Variants in PPP2R2B observed in about 807,000 individuals in gnomAD.
PPP2R2B encodes protein phosphatase 2 regulatory subunit Bbeta.
Under a neutral mutation model 46.0 loss-of-function variants are expected in PPP2R2B, and 5 were observed. The ratio of observed to expected loss-of-function variants is 0.11; its 90% confidence interval spans 0.06 to 0.23. The LOEUF is 0.23. Ranked by LOEUF, PPP2R2B falls within the 10% of genes least tolerant of loss-of-function variation. PPP2R2B has a pLI of 1.00. For synonymous variants in PPP2R2B, 215 were observed against 206.7 expected (o/e 1.04, Z -0.34); for missense variants, 367 against 575.0 (o/e 0.64, Z 3.70).
At chr5:146,592,152 G>A (rs1394104096) in intron 9 of PPP2R2B, 1 of 447,362 alleles carries the variant, frequency 2.2e-6, no homozygotes, top group Admixed American at 2.5e-5. Flanking sequence ...CAACTGGTCA[G>A]TGTGACTTGG....
intron 1 of PPP2R2B, among the ~76,000 whole-genome samples, chr5:146,985,292 T>C (rs1753375584): frequency 6.6e-6 from 1 of 152,178 alleles, no homozygotes; most frequent in Non-Finnish European, 1.5e-5. Context: ...GTGCTGAGAT[T>C]ACAGGCGTGA....
chr5:146,878,763 A>G, upstream of PPP2R2B: 1 of 809,482 alleles, frequency 1.2e-6, no homozygotes, highest in Non-Finnish European at 1.5e-6. The surrounding 1 kb of genome is among the most constrained non-coding windows in gnomAD (Gnocchi z 4.5). Context: ...CTGCTGCAGG[A>G]GGCTGGAGGC....
At chr5:146,694,951 A>G (rs1035209014) in intron 4 of PPP2R2B, among the ~76,000 whole-genome samples, 2 of 152,108 alleles carry the variant, frequency 1.3e-5, no homozygotes, top group Non-Finnish European at 2.9e-5. Flanking sequence ...ATATATTTGT[A>G]TACTATAACG....
chr5:146,632,515 A>T (rs1182191620), intron 7 of PPP2R2B, among the ~76,000 whole-genome samples: 1 of 152,176 alleles, frequency 6.6e-6, no homozygotes, highest in Non-Finnish European at 1.5e-5. Flanking sequence ...ATGAAGCCCC[A>T]CCAGGTGCTA....
At chr5:146,939,416 GAGCAGAAGTCA>G (rs1417956582) in intron 1 of PPP2R2B, among the ~76,000 whole-genome samples, 1 of 152,206 alleles carries the variant, frequency 6.6e-6, no homozygotes, top group Non-Finnish European at 1.5e-5. Flanking sequence ...AGAGGGTGAT[GAGCAGAAGTCA>G]AGCTTAGGCT....
chr5:146,858,576 A>G (rs1760807383), intron 2 of PPP2R2B, among the ~76,000 whole-genome samples: 1 of 152,180 alleles, frequency 6.6e-6, no homozygotes, highest in African/African-American at 2.4e-5. Flanking sequence ...AAAAATACAC[A>G]CAGTACTCAG....
intron 2 of PPP2R2B, among the ~76,000 whole-genome samples, chr5:146,876,186 C>T (rs1184535349): frequency 1.3e-5 from 2 of 152,080 alleles, no homozygotes; most frequent in East Asian, 3.9e-4. Context: ...CTATTTTTGA[C>T]TATGTGAACC....
intron 1 of PPP2R2B, among the ~76,000 whole-genome samples, chr5:146,954,331 T>A (rs1751772197): frequency 6.6e-6 from 1 of 152,168 alleles, no homozygotes; most frequent in East Asian, 1.9e-4. Flanking sequence ...AGCAGATCAG[T>A]TGGACCTCCA....
intron 1 of PPP2R2B, among the ~76,000 whole-genome samples, chr5:147,030,859 A>T (rs549097749): frequency 2.9e-4 from 44 of 152,092 alleles, no homozygotes; most frequent in Non-Finnish European, 5.9e-4. Context: ...AACATACAAC[A>T]CTTTTCATTA....
chr5:146,826,804 A>G (rs1356211580), intron 2 of PPP2R2B, among the ~76,000 whole-genome samples: 1 of 152,092 alleles, frequency 6.6e-6, no homozygotes, highest in Non-Finnish European at 1.5e-5. Context: ...GCTCCAACTT[A>G]CAGTAATTTA....
chr5:146,905,700 A>G (rs986344377), intron 1 of PPP2R2B, among the ~76,000 whole-genome samples: 5 of 152,270 alleles, frequency 3.3e-5, no homozygotes, highest in Non-Finnish European at 5.9e-5. Context: ...CCCTCTAAAT[A>G]AATCTCAAAA....
At chr5:146,856,427 A>G in intron 2 of PPP2R2B, 1 of 1,177,934 alleles carries the variant, frequency 8.5e-7, no homozygotes, top group Non-Finnish European at 1.2e-6. Flanking sequence ...AATTTTAAGC[A>G]ATTGGAACTA....
At chr5:146,957,448 G>C (rs989022230) in intron 1 of PPP2R2B, among the ~76,000 whole-genome samples, 3 of 152,232 alleles carry the variant, frequency 2.0e-5, no homozygotes, top group African/African-American at 7.2e-5. Context: ...TGGGGGCACA[G>C]TAGGAATTTT....
intron 2 of PPP2R2B, among the ~76,000 whole-genome samples, chr5:146,728,629 A>G (rs981952362): frequency 2.7e-4 from 41 of 152,186 alleles, no homozygotes; most frequent in African/African-American, 9.2e-4. Context: ...TATGTCCTAG[A>G]ATTCCCATGT....
At chr5:146,810,184 C>G (rs921633754) in intron 2 of PPP2R2B, among the ~76,000 whole-genome samples, 7 of 152,136 alleles carry the variant, frequency 4.6e-5, no homozygotes, top group African/African-American at 1.2e-4. Flanking sequence ...CGTTTTCACA[C>G]TGCTGATAAA....
intron 2 of PPP2R2B, among the ~76,000 whole-genome samples, chr5:146,815,199 T>C (rs934612221): frequency 2.6e-5 from 4 of 152,238 alleles, no homozygotes; most frequent in African/African-American, 9.6e-5. Flanking sequence ...GTCCATTCTC[T>C]TCCTTGTGAA....
chr5:146,631,111 C>T (rs1409828911), intron 7 of PPP2R2B, among the ~76,000 whole-genome samples: 2 of 152,186 alleles, frequency 1.3e-5, no homozygotes, highest in Admixed American at 6.5e-5. Flanking sequence ...TTACAGGGAA[C>T]ATCATGCTGG....
intron 5 of PPP2R2B, among the ~76,000 whole-genome samples, chr5:146,676,985 G>A (rs1777770477): frequency 6.6e-6 from 1 of 152,156 alleles, no homozygotes; most frequent in Non-Finnish European, 1.5e-5. Flanking sequence ...TGATAACCAA[G>A]TGTGGCTTTG....
rs368926347 is a variant in PPP2R2B at position 147,050,087 on chromosome 5, G to A, written c.79+5578C>T. Among the ~76,000 whole-genome samples the A allele has an allele frequency of 1.4e-4, 22 of 152,112 alleles. 2 individuals are homozygous for A. The highest frequency in any genetic ancestry group is 9.8e-4 in the Admixed American group (15 of 15,258). Reference sequence around the variant, plus strand: ...AGTGATGTGCTTGAGTAAGAGAGAGGGGAGATGACCCAGCTTAAAGTGGAG... The same window carrying A: ...AGTGATGTGCTTGAGTAAGAGAGAGAGGAGATGACCCAGCTTAAAGTGGAG... On this transcript the variant is annotated intron_variant, in intron 1 of 8. Transcript: ENST00000336640.
Sources: allele counts gnomAD v4.1 joint callset (sites outside exome capture counted in the v4.1 genomes callset), GRCh38; gene constraint gnomAD v4.1.1; non-coding constraint Gnocchi (gnomAD v3.1); transcripts MANE v1.5; gene names NCBI Gene and HGNC (gene_info 2026-07-23, HGNC 2026-07-21).